TENM2: variants seen among roughly 807,000 people sequenced by gnomAD.
The protein encoded by TENM2 is teneurin transmembrane protein 2.
Under a neutral mutation model 245.2 loss-of-function variants are expected in TENM2, and 52 were observed. That is an observed-to-expected ratio of 0.21 (90% CI 0.17 to 0.27). TENM2 has a LOEUF of 0.27. Ranked by LOEUF, TENM2 falls within the 10% of genes least tolerant of loss-of-function variation. The pLI, the probability that TENM2 is intolerant of heterozygous loss-of-function variation, is 1.00. For missense variants in TENM2, 3,046 were observed against 3,666.8 expected (o/e 0.83, Z 4.37); for synonymous variants, 1,363 against 1,438.9 (o/e 0.95, Z 1.19).
chr5:167,572,587 C>T (rs1338552573), intron 2 of TENM2, among the ~76,000 whole-genome samples: 1 of 152,038 alleles, frequency 6.6e-6, no homozygotes, highest in Non-Finnish European at 1.5e-5. Context: ...ATAACTTATA[C>T]CAAATAGTTG....
chr5:167,288,366 T>C (rs1217823187), intron 1 of TENM2, among the ~76,000 whole-genome samples: 1 of 152,140 alleles, frequency 6.6e-6, no homozygotes, highest in Non-Finnish European at 1.5e-5. Flanking sequence ...GAGACCATCC[T>C]GGCTAACACG....
upstream of TENM2, among the ~76,000 whole-genome samples, chr5:167,281,652 C>A (rs535174407): frequency 6.6e-6 from 1 of 152,182 alleles, no homozygotes; most frequent in African/African-American, 2.4e-5. Context: ...TGAGCAACCA[C>A]ATTAGATGTC....
chr5:167,852,916 G>A (rs1770714706), intron 2 of TENM2, among the ~76,000 whole-genome samples: 1 of 152,072 alleles, frequency 6.6e-6, no homozygotes, highest in African/African-American at 2.4e-5. Flanking sequence ...TCTGTTTATT[G>A]GTATTATGAT....
At chr5:166,995,740 C>G in the TENM2 span, among the ~76,000 whole-genome samples, 2 of 140,746 alleles carry the variant, frequency 1.4e-5, no homozygotes, top group Non-Finnish European at 3.0e-5. Flanking sequence ...TGCTTGAGCC[C>G]AGGAGGCGGA....
At chr5:167,381,390 T>C (rs895143170) in intron 2 of TENM2, among the ~76,000 whole-genome samples, 1 of 152,176 alleles carries the variant, frequency 6.6e-6, no homozygotes, top group African/African-American at 2.4e-5. Flanking sequence ...AAGTGGCTTA[T>C]GGGATATTTA....
At chr5:167,507,597 T>G (rs922181892) in intron 2 of TENM2, among the ~76,000 whole-genome samples, 1 of 152,166 alleles carries the variant, frequency 6.6e-6, no homozygotes, top group Non-Finnish European at 1.5e-5. Context: ...AGTGACATCA[T>G]GCAAATGGTG....
the TENM2 span, among the ~76,000 whole-genome samples, chr5:167,234,241 T>C: frequency 1.3e-5 from 2 of 152,234 alleles, no homozygotes; most frequent in Admixed American, 6.5e-5. Flanking sequence ...AATCAATTTT[T>C]AAAAATTCTT....
intron 10 of TENM2, 44 bp downstream of exon 12, chr5:168,118,530 G>A (rs771603057): frequency 1.0e-5 from 15 of 1,442,086 alleles, no homozygotes; most frequent in Middle Eastern, 1.9e-4. Context: ...GGAGGGAGGC[G>A]TTTGCAGGGC....
At chr5:168,262,194 A>G (rs747653742) in exon 29 of TENM2, 1 of 1,611,330 alleles carries the variant, frequency 6.2e-7, no homozygotes, top group South Asian at 1.1e-5. Flanking sequence ...ATCATTGGCA[A>G]AGGCATCATG....
intron 2 of TENM2, among the ~76,000 whole-genome samples, chr5:167,434,977 T>C (rs968325400): frequency 6.6e-6 from 1 of 152,234 alleles, no homozygotes; most frequent in Non-Finnish European, 1.5e-5. Context: ...AAATAGCAGA[T>C]AGAACCACTT....
At chr5:167,118,617 A>C in the TENM2 span, among the ~76,000 whole-genome samples, 2 of 152,330 alleles carry the variant, frequency 1.3e-5, no homozygotes, top group Admixed American at 1.3e-4. Flanking sequence ...TTGGCTTCGT[A>C]GTGTTGCAAC....
At chr5:167,437,086 G>A (rs1764606682) in intron 2 of TENM2, among the ~76,000 whole-genome samples, 1 of 152,122 alleles carries the variant, frequency 6.6e-6, no homozygotes, top group South Asian at 2.1e-4. Context: ...CCCCAGAATG[G>A]TAGATCCACC....
chr5:167,649,614 C>T (rs1004369734), intron 2 of TENM2, among the ~76,000 whole-genome samples: 2 of 152,116 alleles, frequency 1.3e-5, no homozygotes, highest in Non-Finnish European at 2.9e-5. Context: ...ACATGAAACC[C>T]ATTTAAAGCG....
chr5:168,034,014 G>A (rs1364914488), intron 5 of TENM2, among the ~76,000 whole-genome samples: 3 of 143,190 alleles, frequency 2.1e-5, no homozygotes, highest in Non-Finnish European at 4.5e-5. Flanking sequence ...GCAACAGAGC[G>A]AGACTCCGTC....
intron 2 of TENM2, among the ~76,000 whole-genome samples, chr5:167,492,356 G>T (rs1300890828): frequency 6.6e-6 from 1 of 151,968 alleles, no homozygotes; most frequent in Non-Finnish European, 1.5e-5. Context: ...TCTATACAAT[G>T]ACATTATTAA....
the TENM2 span, among the ~76,000 whole-genome samples, chr5:167,165,933 C>T: frequency 6.6e-5 from 10 of 152,158 alleles, no homozygotes; most frequent in African/African-American, 2.4e-4. Flanking sequence ...ATTCAACAAC[C>T]AGAATTCTAG....
intron 2 of TENM2, among the ~76,000 whole-genome samples, chr5:167,860,052 G>A (rs1396034925): frequency 9.5e-6 from 1 of 105,688 alleles, no homozygotes; most frequent in African/African-American, 3.4e-5. Flanking sequence ...CGTCCGGGAG[G>A]GAGGTGGGGG....
chr5:168,188,943 G>A (rs896597349), intron 13 of TENM2, among the ~76,000 whole-genome samples: 1 of 152,136 alleles, frequency 6.6e-6, no homozygotes, highest in African/African-American at 2.4e-5. Flanking sequence ...CATAGACTAG[G>A]GGGCTTAAAC....
At chr5:167,459,932 A>G (rs1413980806) in intron 2 of TENM2, among the ~76,000 whole-genome samples, 1 of 151,514 alleles carries the variant, frequency 6.6e-6, no homozygotes, top group African/African-American at 2.4e-5. Flanking sequence ...ACACACACAC[A>G]CACGCACACA....
Sources: allele counts gnomAD v4.1 joint callset (sites outside exome capture counted in the v4.1 genomes callset), GRCh38; gene constraint gnomAD v4.1.1; transcripts MANE v1.5; gene names NCBI Gene and HGNC (gene_info 2026-07-23, HGNC 2026-07-21).